Variants in MFSD11 observed in about 807,000 individuals in gnomAD.
MFSD11 encodes UNC93-like protein MFSD11.
MFSD11 carries 36 observed loss-of-function variants against 53.5 expected under a neutral mutation model. The ratio of observed to expected loss-of-function variants is 0.67; its 90% confidence interval spans 0.52 to 0.89. MFSD11 has a LOEUF of 0.89. MFSD11 is among the 40% of genes least tolerant of loss of function. MFSD11 has a pLI of 0.00. For missense variants in MFSD11, 530 were observed against 543.9 expected, an observed-to-expected ratio of 0.97 and a Z score of 0.25; for synonymous variants, 186 against 184.9, an observed-to-expected ratio of 1.01 and a Z score of -0.05.
chr17:76,784,404 C>G (rs994764821), downstream of MFSD11, among the ~76,000 whole-genome samples: 26 of 151,886 alleles, frequency 1.7e-4, no homozygotes, highest in Admixed American at 1.7e-3. Flanking sequence ...CATGGTGGCG[C>G]TGCCTGTAGT....
At chr17:76,753,150 G>C (rs1464865136) in intron 7 of MFSD11, 1 of 152,066 alleles carries the variant, frequency 6.6e-6, no homozygotes, top group Non-Finnish European at 1.5e-5. Flanking sequence ...CCAATCGAGA[G>C]TACAGTACCT....
In MFSD11 at chr17:76,778,370, G is replaced by T. The variant is rs181715335; in HGVS notation, c.*18G>T. 5.3e-5 allele frequency: 86 copies of T among 1,613,596 alleles called. No homozygotes were observed. In the African/African-American group the frequency reaches 8.1e-4, roughly 15 times the overall value. ...GTATCTGATCTGGTGTCCGTGAGGG[G>T]ACACGTATGACCTCAGAAACACAGC... On this transcript the variant is annotated 3_prime_UTR_variant, in exon 13 of 13. Transcript: ENST00000685175.
Position 76,754,082 on chromosome 17 carries a change from C to G in MFSD11, c.677C>G (p.Ala226Gly). The change falls in exon 8 of 13, where the codon GCT (alanine) becomes GGT (glycine). Residue 226 changes from alanine (A) to glycine (G), a missense_variant. Physicochemically the swap from Ala to Gly is moderately conservative, Grantham distance 60. Transcript: ENST00000685175. ...AQNNLTKAVDAFKKSFKLCVT... is the reference protein window; with the variant it reads ...AQNNLTKAVDGFKKSFKLCVT... ...AACAATCTGACAAAGGCAGTAGATGCTTTTAGTAAGTATTTTCTGTATCTG... is the reference window on the plus strand; with the variant it reads ...AACAATCTGACAAAGGCAGTAGATGGTTTTAGTAAGTATTTTCTGTATCTG... The G allele has an allele frequency of 1.9e-6, 3 of 1,612,482 alleles. No individual in the cohort carries two copies. Among genetic ancestry groups the G allele is most frequent in the Non-Finnish European group, 2.5e-6 (3 of 1,178,740 alleles).
At chr17:76,801,974 A>T in the MFSD11 span, among the ~76,000 whole-genome samples, 1 of 151,994 alleles carries the variant, frequency 6.6e-6, no homozygotes, top group Non-Finnish European at 1.5e-5. Context: ...CTGGTTTCAG[A>T]TGCCTCTGAG....
In MFSD11 at chr17:76,758,934, A is replaced by T. The variant is rs2079920821; in HGVS notation, c.682+4847A>T. Among the ~76,000 whole-genome samples the T allele has an allele frequency of 2.0e-5, 3 of 152,070 alleles. No homozygotes were observed. In the South Asian group the frequency reaches 6.2e-4, roughly 32 times the overall value. ...CTGTTCACCGGAAGCCTTACTGATA[A>T]CATAAACAGTTGATTAACACAAATT... is the stretch of plus-strand genomic sequence containing the variant. On this transcript the variant is annotated intron_variant, in intron 8 of 12. Coordinates refer to ENST00000685175, the MANE Select transcript of MFSD11 (RefSeq NM_001242532.5).
Position 76,776,428 on chromosome 17 carries a change from A to G in MFSD11, c.1072A>G (p.Ser358Gly). Residue 358 changes from serine to glycine, a missense_variant, in exon 12 of 13, where the codon AGT (serine) becomes GGT (glycine). Coordinates refer to ENST00000685175, the MANE Select transcript of MFSD11 (RefSeq NM_001242532.5). This position sits in a 1 kb window ranked among gnomAD's most constrained non-coding sequence, Gnocchi z 4.2. ...KSSKEVAILC[S>G]FLLGLGDSCF... ...CAGCAAAGAAGTTGCCATTCTCTGC[A>G]GTTTTCTGTTGGGCCTTGGAGACAG... 2 of 1,613,900 alleles carry G rather than the reference A, an allele frequency of 1.2e-6. No individual in the cohort carries two copies. The highest frequency in any genetic ancestry group is 1.7e-6 in the Non-Finnish European group (2 of 1,179,942).
At chr17:76,758,142 C>A (rs2079834249) in intron 8 of MFSD11, among the ~76,000 whole-genome samples, 3 of 152,086 alleles carry the variant, frequency 2.0e-5, no homozygotes. Flanking sequence ...CAAGCCCATG[C>A]TCATAGAGGA....
At chr17:76,777,072 C>CCTGG (rs1397613196) in intron 12 of MFSD11, among the ~76,000 whole-genome samples, 1 of 152,022 alleles carries the variant, frequency 6.6e-6, no homozygotes. Flanking sequence ...TGGAGACCAT[C>CCTGG]CTGGCTAACA....
chr17:76,796,321 A>G, the MFSD11 span, among the ~76,000 whole-genome samples: 1 of 152,048 alleles, frequency 6.6e-6, no homozygotes, highest in Admixed American at 6.6e-5. Flanking sequence ...AGACTGAATC[A>G]CACCTCATCT....
intron 8 of MFSD11, among the ~76,000 whole-genome samples, chr17:76,763,641 G>A (rs2080505612): frequency 6.6e-6 from 1 of 151,860 alleles, no homozygotes; most frequent in African/African-American, 2.4e-5. Flanking sequence ...ATATATTCTA[G>A]ATAAAAGTTC....
At chr17:76,802,791 T>C in the MFSD11 span, among the ~76,000 whole-genome samples, 1 of 152,050 alleles carries the variant, frequency 6.6e-6, no homozygotes, top group African/African-American at 2.4e-5. Context: ...ACTCAGACAA[T>C]TGCAAAGGAG....
the MFSD11 span, among the ~76,000 whole-genome samples, chr17:76,797,943 G>C: frequency 6.6e-6 from 1 of 151,900 alleles, no homozygotes; most frequent in Non-Finnish European, 1.5e-5. Context: ...GAGTGCAGTG[G>C]TGCTATCATA....
chr17:76,760,242 C>G (rs2080085799), intron 8 of MFSD11, among the ~76,000 whole-genome samples: 1 of 149,040 alleles, frequency 6.7e-6, no homozygotes, highest in South Asian at 2.1e-4. Context: ...CATGCCACTT[C>G]ACTCCAGCCT....
chr17:76,802,647 G>C, the MFSD11 span, among the ~76,000 whole-genome samples: 1 of 152,162 alleles, frequency 6.6e-6, no homozygotes, highest in African/African-American at 2.4e-5. Context: ...GGGAGGCCGA[G>C]GCAGGCAAAT....
downstream of MFSD11, among the ~76,000 whole-genome samples, chr17:76,784,015 C>T (rs2082233926): frequency 6.6e-6 from 1 of 151,826 alleles, no homozygotes; most frequent in African/African-American, 2.4e-5. Flanking sequence ...AAATTGAAAC[C>T]CTTGTGCACT....
intron 7 of MFSD11, chr17:76,747,819 T>C (rs936720837): frequency 2.6e-5 from 4 of 151,910 alleles, no homozygotes; most frequent in African/African-American, 9.7e-5. Context: ...GGATGAGGGG[T>C]TCTGTAACTG....
chr17:76,739,224 T>A (rs936568056), intron 2 of MFSD11, among the ~76,000 whole-genome samples: 1 of 152,240 alleles, frequency 6.6e-6, no homozygotes, highest in Admixed American at 6.5e-5. Context: ...TGCATTGTTA[T>A]CTTAGGTAAG....
At chr17:76,768,030 C>T (rs2081018107) in intron 9 of MFSD11, among the ~76,000 whole-genome samples, 1 of 152,140 alleles carries the variant, frequency 6.6e-6, no homozygotes, top group African/African-American at 2.4e-5. Context: ...TGGACAGGTG[C>T]AGTGGCTCAC....
rs79926131 is a variant in MFSD11 at position 76,746,263 on chromosome 17, C to T, written c.641+1797C>T. 8.3e-4 allele frequency among the ~76,000 whole-genome samples: 127 copies of T among 152,232 alleles called. No individual in the cohort carries two copies. In the South Asian group the frequency reaches 0.013, roughly 16 times the overall value. On this transcript the variant is annotated intron_variant, in intron 7 of 12. Transcript: ENST00000685175. ...CTTCAATTCTGTGAAGGCTGAGAGA[C>T]GTGAGGAATCTTTAGAAGAAAAATT...
Sources: gnomAD v4.1 joint callset for allele counts (sites outside exome capture counted in the v4.1 genomes callset) on GRCh38, gnomAD v4.1.1 for gene constraint, Gnocchi (gnomAD v3.1) non-coding constraint, MANE v1.5 for transcripts, NCBI Gene and HGNC (gene_info 2026-07-23, HGNC 2026-07-21) for gene names.